Variants in PIAS4 observed in about 807,000 individuals in gnomAD.
PIAS4 encodes E3 SUMO-protein ligase PIAS4.
In PIAS4, 7 loss-of-function variants were observed where a neutral mutation model predicts 58.0. That is an observed-to-expected ratio of 0.12 (90% CI 0.07 to 0.23). The LOEUF is 0.23. Among genes scored for constraint, PIAS4 ranks in the 10% least tolerant of loss-of-function variants. The probability of loss-of-function intolerance (pLI) is 1.00; values close to 1 mark genes in which losing one functional copy is unlikely to be tolerated. For synonymous variants in PIAS4, 364 were observed against 312.4 expected (o/e 1.17, Z -1.74); for missense variants, 550 against 709.5 (o/e 0.78, Z 2.55).
intron 7 of PIAS4, among the ~76,000 whole-genome samples, chr19:4,030,126 C>T (rs1000209809): frequency 1.6e-4 from 24 of 148,220 alleles, no homozygotes; most frequent in African/African-American, 6.0e-4. Flanking sequence ...CCGGCCCCAA[C>T]TAATTTTTTA....
intron 9 of PIAS4, among the ~76,000 whole-genome samples, chr19:4,034,721 A>T (rs949081266): frequency 1.9e-4 from 29 of 152,176 alleles, no homozygotes; most frequent in Non-Finnish European, 5.9e-5. Context: ...GGCAGCTCTC[A>T]CAGCTCCAGG....
chr19:4,027,200 C>CTTG (rs2040174373), intron 3 of PIAS4, among the ~76,000 whole-genome samples: 1 of 152,156 alleles, frequency 6.6e-6, no homozygotes, highest in African/African-American at 2.4e-5. Context: ...ATTGCCCAGG[C>CTTG]TTGTCTCGAA....
chr19:4,032,648 C>T (rs1025907444), intron 7 of PIAS4, among the ~76,000 whole-genome samples: 32 of 152,210 alleles, frequency 2.1e-4, no homozygotes, highest in Admixed American at 1.8e-3. Context: ...TGGGGCTGGG[C>T]GGCAGCCGCT....
intron 2 of PIAS4, among the ~76,000 whole-genome samples, chr19:4,022,236 C>T (rs890587195): frequency 3.3e-5 from 5 of 152,092 alleles, no homozygotes; most frequent in Admixed American, 6.5e-5. Context: ...CCTATTGAAC[C>T]GAAAAGCTGT....
chr19:4,008,014 C>G (rs919338682), intron 1 of PIAS4, among the ~76,000 whole-genome samples: 29 of 151,656 alleles, frequency 1.9e-4, no homozygotes, highest in African/African-American at 6.5e-4. Flanking sequence ...CCGGGGGTCG[C>G]TCCCCCGGCT....
chr19:4,021,510 T>C (rs1454892994), intron 2 of PIAS4, among the ~76,000 whole-genome samples: 3 of 152,160 alleles, frequency 2.0e-5, no homozygotes, highest in Non-Finnish European at 4.4e-5. Context: ...CCTGAAATAC[T>C]GGCTGATATT....
chr19:4,021,241 C>T (rs59465323), intron 2 of PIAS4, among the ~76,000 whole-genome samples: 15,216 of 152,020 alleles, frequency 0.1, 849 homozygotes, highest in South Asian at 0.18. Flanking sequence ...CAACCTCCGC[C>T]TTCTGGGTTT....
Position 4,028,562 on chromosome 19 carries a change from A to T in PIAS4, c.634A>T (p.Ile212Phe). Residue 212 changes from isoleucine (I) to phenylalanine (F), a missense_variant, in exon 5 of 11, where the codon ATC (isoleucine) becomes TTC (phenylalanine). This residue lies in a region of PIAS4 where 225 missense variants were observed against 345.8 expected (regional missense o/e 0.65). Coordinates refer to ENST00000262971, the MANE Select transcript of PIAS4 (RefSeq NM_015897.4). The stretch of plus-strand genomic sequence containing the variant: ...TCAGGAGGACCAGTACCCGCCCAAC[A>T]TCGCTGTGAAGGTCAACCACAGCTA... ...CPQEDQYPPN[I>F]AVKVNHSYCS... 6.2e-7 allele frequency: 1 copy of T among 1,612,678 alleles called. No homozygotes were observed. Among genetic ancestry groups the T allele is most frequent in the Non-Finnish European group, 8.5e-7 (1 of 1,179,824 alleles).
At chr19:4,011,745 G>A (rs1381930117) in intron 1 of PIAS4, among the ~76,000 whole-genome samples, 7 of 43,982 alleles carry the variant, frequency 1.6e-4, no homozygotes, top group Non-Finnish European at 3.3e-4. Context: ...GGTGTGTGGG[G>A]TGTGGAGGTG....
Position 4,037,803 on chromosome 19 carries a change from A to G in PIAS4, c.1461A>G (p.Glu487=), listed in dbSNP as rs1393751816. 1 of 1,589,042 alleles carries G rather than the reference A, an allele frequency of 6.3e-7. No homozygotes were observed. Among genetic ancestry groups the G allele is most frequent in the Non-Finnish European group, 8.6e-7 (1 of 1,168,080 alleles). The change falls in exon 11 of 11, where the codon GAA becomes GAG. Residue 487 remains glutamate, a synonymous_variant. Transcript: ENST00000262971. This position sits in a 1 kb window ranked among gnomAD's most constrained non-coding sequence, Gnocchi z 5.8. ...EDEEEEEEEE[E]DEDEEGPRPK... is the part of the protein sequence containing the mutation. The stretch of plus-strand genomic sequence containing the variant: ...AGGAGGAGGAGGAAGAGGAGGAGGA[A>G]GACGAGGACGAAGAGGGGCCCCGGC...
intron 2 of PIAS4, among the ~76,000 whole-genome samples, chr19:4,018,188 TG>T (rs2040071158): frequency 1.3e-5 from 2 of 152,260 alleles, no homozygotes; most frequent in Non-Finnish European, 1.5e-5. Context: ...CCTAGAAAAC[TG>T]GAGTCAACAG....
chr19:4,008,460 C>T (rs982094480), intron 1 of PIAS4, among the ~76,000 whole-genome samples: 1 of 152,138 alleles, frequency 6.6e-6, no homozygotes, highest in African/African-American at 2.4e-5. Flanking sequence ...CAGAACCCCG[C>T]CCCCTTCCCG....
chr19:4,034,246 C>G (rs545828848), intron 9 of PIAS4, among the ~76,000 whole-genome samples: 5 of 152,140 alleles, frequency 3.3e-5, no homozygotes, highest in Non-Finnish European at 7.4e-5. Context: ...GGCGCCCTCA[C>G]AGGCGGGAGC....
chr19:4,033,542 C>T lies in PIAS4; in HGVS notation c.1104C>T (p.Cys368=), dbSNP rs375004524. ...AGCCCACCTGGATGTGCCCCGTGTG[C>T]GACAAGCCAGCCCCCTACGACCAGC... is the stretch of plus-strand genomic sequence containing the variant. ...EKKPTWMCPV[C]DKPAPYDQLI... Residue 368 remains cysteine, a synonymous_variant, in exon 9 of 11, where the codon TGC becomes TGT. Transcript: ENST00000262971. The T allele has an allele frequency of 4.7e-5, 76 of 1,608,488 alleles. No homozygotes were observed. The Middle Eastern group carries it at 4.9e-4, about 10-fold the overall frequency.
In PIAS4 at chr19:4,028,162, G is replaced by C; in HGVS notation, c.556G>C (p.Val186Leu). ...IRNSRELQPG[V>L]KAVQVVLRIC... ...CACCCACAGGGAACTGCAGCCCGGAGTTAAAGCCGTGCAGGTCGTCCTGAG... is the reference window on the plus strand; with the variant it reads ...CACCCACAGGGAACTGCAGCCCGGACTTAAAGCCGTGCAGGTCGTCCTGAG... Residue 186 changes from valine (V) to leucine (L), a missense_variant, in exon 4 of 11, where the codon GTT becomes CTT. Val to Leu is a conservative substitution (Grantham distance 32, BLOSUM62 1). Transcript: ENST00000262971. The C allele has an allele frequency of 6.2e-7, 1 of 1,613,282 alleles. No homozygotes were observed. Among genetic ancestry groups the C allele is most frequent in the Non-Finnish European group, 8.5e-7 (1 of 1,179,954 alleles).
At chr19:4,018,140 T>C (rs2040070634) in intron 2 of PIAS4, among the ~76,000 whole-genome samples, 1 of 152,230 alleles carries the variant, frequency 6.6e-6, no homozygotes, top group African/African-American at 2.4e-5. Context: ...ACTCCCTGTG[T>C]TTCATTTCTA....
intron 1 of PIAS4, among the ~76,000 whole-genome samples, chr19:4,008,276 C>T (rs1196798413): frequency 6.6e-6 from 1 of 152,134 alleles, no homozygotes; most frequent in Non-Finnish European, 1.5e-5. Context: ...ACAGGCCAGG[C>T]TGGGGTTTGC....
intron 2 of PIAS4, among the ~76,000 whole-genome samples, chr19:4,015,878 C>T (rs1006840279): frequency 7.9e-5 from 12 of 152,354 alleles, no homozygotes; most frequent in South Asian, 2.1e-4. Context: ...ATAAATCACG[C>T]GGTGCGGAAT....
intron 5 of PIAS4, 49 bp downstream of exon 5, chr19:4,028,649 G>C (rs759905999): frequency 6.2e-7 from 1 of 1,607,058 alleles, no homozygotes; most frequent in East Asian, 2.2e-5. Flanking sequence ...GGGGGGCGTG[G>C]AGGGAGGGTG....
Sources: gnomAD v4.1 joint callset for allele counts (sites outside exome capture counted in the v4.1 genomes callset) on GRCh38, gnomAD v4.1.1 for gene constraint, gnomAD v4.1.1 regional missense constraint, Gnocchi (gnomAD v3.1) non-coding constraint, MANE v1.5 for transcripts, NCBI Gene and HGNC (gene_info 2026-07-23, HGNC 2026-07-21) for gene names.